Variants in METTL22 observed in about 807,000 individuals in gnomAD.
METTL22 encodes methyltransferase 22, Kin17 lysine.
Under a neutral mutation model 48.4 loss-of-function variants are expected in METTL22, and 51 were observed. The observed-to-expected ratio is 1.05, with a 90% CI of 0.84 to 1.33. The LOEUF is 1.33. Ranked by LOEUF, METTL22 falls within the 40% of genes most tolerant of loss-of-function variation. The pLI is 0.00. For missense variants in METTL22, 678 were observed against 526.9 expected (o/e 1.29, Z -2.81); for synonymous variants, 255 against 214.1 (o/e 1.19, Z -1.67).
At chr16:8,632,148 A>G (rs918870801) in intron 3 of METTL22, 3 of 152,154 alleles carry the variant, frequency 2.0e-5, no homozygotes, top group Non-Finnish European at 4.4e-5. Context: ...GGTCGGCCAC[A>G]CTCAGCTTCC....
intron 1 of METTL22, chr16:8,624,241 C>G (rs893154557): frequency 4.6e-5 from 7 of 152,204 alleles, no homozygotes; most frequent in Non-Finnish European, 1.0e-4. Flanking sequence ...TTCTTGACCA[C>G]TTTGCCTCAG....
At chr16:8,643,353 G>GA (rs1278256735) in intron 9 of METTL22, among the ~76,000 whole-genome samples, 11 of 152,172 alleles carry the variant, frequency 7.2e-5, no homozygotes, top group African/African-American at 2.7e-4. Context: ...AACTGTAAAG[G>GA]AAAAACATCA....
chr16:8,642,233 C>G (rs777795708), intron 8 of METTL22, 26 bp downstream of exon 8: 2 of 1,584,098 alleles, frequency 1.3e-6, no homozygotes, highest in Non-Finnish European at 1.7e-6. Flanking sequence ...CTTCGCCGTA[C>G]ACGTCCTTTG....
chr16:8,655,763 C>T, the METTL22 span, among the ~76,000 whole-genome samples: 10 of 152,228 alleles, frequency 6.6e-5, no homozygotes, highest in Non-Finnish European at 2.9e-5. Flanking sequence ...ATACCCACAG[C>T]TGATGTCCAT....
At chr16:8,662,496 T>C in the METTL22 span, among the ~76,000 whole-genome samples, 3 of 144,556 alleles carry the variant, frequency 2.1e-5, 1 homozygote, top group African/African-American at 7.8e-5. Context: ...AAACAACTGC[T>C]GTTAGAGCCA....
the METTL22 span, among the ~76,000 whole-genome samples, chr16:8,660,802 G>T: frequency 8.8e-5 from 1 of 11,352 alleles, no homozygotes; most frequent in South Asian, 3.9e-3. Context: ...AGGAGGAGGA[G>T]GAGGAGGAGG....
At chr16:8,631,869 T>G (rs531014520) in intron 3 of METTL22, 1 of 152,328 alleles carries the variant, frequency 6.6e-6, no homozygotes, top group South Asian at 2.1e-4. Context: ...TGGCCCTGGG[T>G]AGGGAGGTCC....
chr16:8,654,322 C>A (rs2056935592), downstream of METTL22, among the ~76,000 whole-genome samples: 1 of 152,178 alleles, frequency 6.6e-6, no homozygotes, highest in Admixed American at 6.5e-5. Flanking sequence ...TGCTCATCAT[C>A]ACATAACTTA....
chr16:8,664,990 G>A, the METTL22 span, among the ~76,000 whole-genome samples: 27 of 152,100 alleles, frequency 1.8e-4, no homozygotes, highest in Admixed American at 1.3e-4. Context: ...GGGGAGGAGG[G>A]ACTCACTAGG....
chr16:8,658,265 G>T, the METTL22 span, among the ~76,000 whole-genome samples: 19 of 152,302 alleles, frequency 1.2e-4, no homozygotes, highest in East Asian at 3.5e-3. Flanking sequence ...CCCTCCCCTT[G>T]AGCCTTTGGA....
At chr16:8,629,946 C>G (rs2056198098) in intron 3 of METTL22, among the ~76,000 whole-genome samples, 1 of 152,136 alleles carries the variant, frequency 6.6e-6, no homozygotes, top group African/African-American at 2.4e-5. Context: ...AGGCCTAGCG[C>G]CATGCTGCTT....
intron 3 of METTL22, among the ~76,000 whole-genome samples, chr16:8,630,440 C>T (rs907119188): frequency 4.6e-5 from 7 of 152,146 alleles, no homozygotes; most frequent in Admixed American, 3.3e-4. Context: ...AGAGCTGAGA[C>T]TTGTACCTAG....
At chr16:8,641,620 G>A in intron 7 of METTL22, 1 of 389,444 alleles carries the variant, frequency 2.6e-6, no homozygotes, top group Non-Finnish European at 4.9e-6. Context: ...CTGGGTGCTT[G>A]CTCTTTCTTT....
the METTL22 span, among the ~76,000 whole-genome samples, chr16:8,665,443 C>G: frequency 6.6e-6 from 1 of 152,210 alleles, no homozygotes; most frequent in Non-Finnish European, 1.5e-5. Flanking sequence ...CCAGGCAAAG[C>G]CCCTCCCTCT....
intron 3 of METTL22, among the ~76,000 whole-genome samples, chr16:8,634,482 T>C (rs1295003890): frequency 2.6e-5 from 4 of 152,178 alleles, no homozygotes; most frequent in Non-Finnish European, 1.5e-5. Flanking sequence ...ATACAAAATA[T>C]ATTATATTTT....
At position 8,649,157 on chromosome 16, in the gene METTL22, C is replaced by T. The variant is rs894460313; in HGVS notation, c.*3014C>T. ...TAGAGTTGTCACAGCTTTCACCTGC[C>T]GCATTAGGGCAAACTGCTTTTATGT... On this transcript the variant is annotated 3_prime_UTR_variant, in exon 11 of 11. Transcript: ENST00000381920. 2 of 152,276 alleles carry T rather than the reference C, an allele frequency of 1.3e-5. No individual in the cohort carries two copies. The highest frequency in any genetic ancestry group is 4.8e-5 in the African/African-American group (2 of 41,562). The allele number at this position is 152,276 out of a possible 1,614,324, so 9.4% of individuals were successfully genotyped here. A position where few individuals can be genotyped will look rare whatever the true frequency, so the allele number is the denominator to read the frequency against.
At chr16:8,664,959 G>T in the METTL22 span, among the ~76,000 whole-genome samples, 1 of 152,078 alleles carries the variant, frequency 6.6e-6, no homozygotes, top group Non-Finnish European at 1.5e-5. Context: ...TGCTTTAAAG[G>T]CACAGAAACT....
the METTL22 span, among the ~76,000 whole-genome samples, chr16:8,659,826 C>T: frequency 6.6e-6 from 1 of 151,770 alleles, no homozygotes; most frequent in Non-Finnish European, 1.5e-5. Context: ...TGGGCTCAAG[C>T]GATCCTCCCA....
At chr16:8,623,792 A>C (rs1288307154) in intron 1 of METTL22, 2 of 152,186 alleles carry the variant, frequency 1.3e-5, no homozygotes, top group Non-Finnish European at 1.5e-5. Flanking sequence ...TAAATGTAGG[A>C]ACTCCAGCAG....
Sources: allele counts gnomAD v4.1 joint callset (sites outside exome capture counted in the v4.1 genomes callset), GRCh38; gene constraint gnomAD v4.1.1; transcripts MANE v1.5; gene names NCBI Gene and HGNC (gene_info 2026-07-23, HGNC 2026-07-21).